The following TP63 variants were observed in gnomAD, a reference collection of about 807,000 sequenced individuals.
TP63 encodes tumor protein p63, also known as tumor protein 63.
TP63 carries 17 observed loss-of-function variants against 82.8 expected under a neutral mutation model. The ratio of observed to expected loss-of-function variants is 0.21; its 90% confidence interval spans 0.14 to 0.31. TP63 has a LOEUF of 0.31. Among genes scored for constraint, TP63 ranks in the 10% least tolerant of loss-of-function variants. The pLI is 1.00. For synonymous variants in TP63, 330 were observed against 321.7 expected (o/e 1.03, Z -0.28); for missense variants, 648 against 895.3 (o/e 0.72, Z 3.52).
At chr3:189,738,965 A>G (rs1236937265) in intron 3 of TP63, 191 bp downstream of exon 3, 40 of 736,572 alleles carry the variant, frequency 5.4e-5, no homozygotes, top group Non-Finnish European at 6.5e-5. Flanking sequence ...GCAAATATCT[A>G]TAATATATGT....
rs1553850880 is a variant in TP63 at position 189,835,964 on chromosome 3, A to AATAATAATG, written c.579+27443_579+27444insAATGATAAT. Among the ~76,000 whole-genome samples the AATAATAATG allele has an allele frequency of 1.0e-3, 148 of 141,518 alleles. 2 individuals are homozygous for AATAATAATG. Among genetic ancestry groups the AATAATAATG allele is most frequent in the African/African-American group, 3.1e-3 (121 of 38,570 alleles). 92.8% of individuals were successfully genotyped at this position (141,518 alleles called of 152,430 possible). A position where few individuals can be genotyped will look rare whatever the true frequency, so the allele number is the denominator to read the frequency against. ...TAATAATAATAATAATAATAATAATAATAATGTAAAGTGGGGAAGGCAAGA... is the reference window on the plus strand; with the variant it reads ...TAATAATAATAATAATAATAATAATAATAATAATGATAATGTAAAGTGGGGAAGGCAAGA... On this transcript the variant is annotated intron_variant, in intron 4 of 13. Coordinates refer to ENST00000264731, the MANE Select transcript of TP63 (RefSeq NM_003722.5).
chr3:189,814,653 AT>A (rs1184177400), intron 4 of TP63, among the ~76,000 whole-genome samples: 1 of 152,148 alleles, frequency 6.6e-6, no homozygotes, highest in Non-Finnish European at 1.5e-5. Flanking sequence ...GTGCTTAGAG[AT>A]TTTTGGTGAT....
chr3:189,780,337 A>G (rs374068154), intron 3 of TP63, among the ~76,000 whole-genome samples: 2 of 152,212 alleles, frequency 1.3e-5, no homozygotes, highest in African/African-American at 4.8e-5. Context: ...TTGCCCACCA[A>G]TAAGACTTTT....
chr3:189,752,258 C>A (rs1337295372), intron 3 of TP63, among the ~76,000 whole-genome samples: 3 of 152,114 alleles, frequency 2.0e-5, no homozygotes, highest in African/African-American at 7.2e-5. Flanking sequence ...ACTGCGGCCT[C>A]AACCTCCTAG....
intron 1 of TP63, among the ~76,000 whole-genome samples, chr3:189,718,851 G>C (rs535857996): frequency 1.3e-5 from 2 of 152,008 alleles, no homozygotes; most frequent in Admixed American, 1.3e-4. Context: ...GCTTTACTTT[G>C]AATCATTTAT....
chr3:189,764,381 G>A (rs1456658874), intron 3 of TP63, among the ~76,000 whole-genome samples: 1 of 152,136 alleles, frequency 6.6e-6, no homozygotes, highest in African/African-American at 2.4e-5. Context: ...TAGCTGGATG[G>A]CTTATTTCTG....
intron 1 of TP63, among the ~76,000 whole-genome samples, chr3:189,698,611 A>C (rs1191244884): frequency 6.6e-6 from 1 of 152,156 alleles, no homozygotes; most frequent in African/African-American, 2.4e-5. Flanking sequence ...AAAATAGGCT[A>C]ATAGTAAGAT....
intron 1 of TP63, among the ~76,000 whole-genome samples, chr3:189,669,869 A>G (rs1468126722): frequency 1.3e-5 from 2 of 152,048 alleles, no homozygotes; most frequent in Non-Finnish European, 2.9e-5. Context: ...AAAGCAGCAA[A>G]AACAGAAGGG....
At chr3:189,737,719 T>G in intron 1 of TP63, 21 bp from the exon 2 acceptor site, 1 of 1,612,764 alleles carries the variant, frequency 6.2e-7, no homozygotes, top group Non-Finnish European at 8.5e-7. Flanking sequence ...ATAATACTAG[T>G]TTCATTTTTG....
At chr3:189,863,120 C>A (rs201847070) in intron 4 of TP63, among the ~76,000 whole-genome samples, 9 of 152,254 alleles carry the variant, frequency 5.9e-5, no homozygotes, top group Middle Eastern at 3.4e-3. Flanking sequence ...ATGGCTCTGC[C>A]CCCCCACCAT....
chr3:189,827,695 T>C (rs149555145), intron 4 of TP63, among the ~76,000 whole-genome samples: 3 of 152,192 alleles, frequency 2.0e-5, no homozygotes, highest in African/African-American at 7.2e-5. Flanking sequence ...ACCTGGACCA[T>C]AGAAAGTTTG....
chr3:189,746,685 C>T (rs1721400770), intron 3 of TP63, among the ~76,000 whole-genome samples: 1 of 150,590 alleles, frequency 6.6e-6, no homozygotes, highest in African/African-American at 2.5e-5. Flanking sequence ...GGTGTAAGTC[C>T]TCATATATTA....
At chr3:189,611,302 T>C in the TP63 span, among the ~76,000 whole-genome samples, 6 of 152,334 alleles carry the variant, frequency 3.9e-5, no homozygotes, top group East Asian at 1.2e-3. Flanking sequence ...CTTTAATCCA[T>C]CTTGAGTTGG....
intron 1 of TP63, among the ~76,000 whole-genome samples, chr3:189,712,382 C>T (rs1483254313): frequency 6.6e-6 from 1 of 152,130 alleles, no homozygotes; most frequent in Non-Finnish European, 1.5e-5. Context: ...AGTGCTGTAA[C>T]AAAATACCAT....
At chr3:189,829,932 C>T (rs1712053205) in intron 4 of TP63, 1 of 384,290 alleles carries the variant, frequency 2.6e-6, no homozygotes, top group Non-Finnish European at 5.3e-6. Context: ...GTTCCAGACA[C>T]ATCTCATCTG....
At chr3:189,694,299 A>G (rs1304245452) in intron 1 of TP63, among the ~76,000 whole-genome samples, 2 of 152,228 alleles carry the variant, frequency 1.3e-5, no homozygotes, top group African/African-American at 4.8e-5. Flanking sequence ...TATATTTGCC[A>G]CAACGAATGA....
At chr3:189,762,700 G>A (rs1722669264) in intron 3 of TP63, among the ~76,000 whole-genome samples, 1 of 152,190 alleles carries the variant, frequency 6.6e-6, no homozygotes, top group African/African-American at 2.4e-5. Context: ...GAACTAAAAT[G>A]TCAAGCTTGT....
chr3:189,849,194 ATCT>A (rs1310788801), intron 4 of TP63, among the ~76,000 whole-genome samples: 1 of 152,234 alleles, frequency 6.6e-6, no homozygotes, highest in Non-Finnish European at 1.5e-5. Context: ...ATGTCTCTTC[ATCT>A]TCATCCTCTG....
At chr3:189,869,974 G>C (rs1186068749) in intron 9 of TP63, among the ~76,000 whole-genome samples, 1 of 152,124 alleles carries the variant, frequency 6.6e-6, no homozygotes, top group East Asian at 1.9e-4. Context: ...GTTTTGGACT[G>C]TATTACTAGC....
Sources: allele counts gnomAD v4.1 joint callset (sites outside exome capture counted in the v4.1 genomes callset), GRCh38; gene constraint gnomAD v4.1.1; transcripts MANE v1.5; gene names NCBI Gene and HGNC (gene_info 2026-07-23, HGNC 2026-07-21).